Variants in ZC3H12B observed in about 807,000 individuals in gnomAD.
ZC3H12B encodes probable ribonuclease ZC3H12B.
A neutral mutation model predicts 43.9 loss-of-function variants in ZC3H12B; 7 were observed. That is an observed-to-expected ratio of 0.16 (90% CI 0.09 to 0.30). The LOEUF (loss-of-function observed/expected upper bound fraction) is 0.30. Ranked by LOEUF, ZC3H12B falls within the 10% of genes least tolerant of loss-of-function variation. ZC3H12B has a pLI of 1.00. For missense variants in ZC3H12B, 475 were observed against 670.2 expected (o/e 0.71, Z 3.22); for synonymous variants, 222 against 241.7 (o/e 0.92, Z 0.76).
chrX:65,506,275 TGTCA>T (rs776682117), exon 5 of ZC3H12B: 1 of 112,762 alleles, frequency 8.9e-6, no homozygotes, highest in East Asian at 2.8e-4. Context: ...GTGTAAAAAG[TGTCA>T]GTGTTAGTGA....
At chrX:65,480,242 A>T (rs2068046942) in intron 3 of ZC3H12B, among the ~76,000 whole-genome samples, 1 of 112,515 alleles carries the variant, frequency 8.9e-6, no homozygotes, top group Admixed American at 9.4e-5. Flanking sequence ...TAATTACATG[A>T]ACTTTTAAAC....
At chrX:65,222,780 T>A in the ZC3H12B span, among the ~76,000 whole-genome samples, 1 of 110,192 alleles carries the variant, frequency 9.1e-6, no homozygotes, top group South Asian at 3.8e-4. Flanking sequence ...ATGGCTAGAA[T>A]CAATATTGTG....
chrX:65,291,185 C>T, the ZC3H12B span, among the ~76,000 whole-genome samples: 1 of 111,419 alleles, frequency 9.0e-6, no homozygotes, highest in East Asian at 2.8e-4. Context: ...AGTCCCTGTA[C>T]AGTGCTTATT....
chrX:65,430,726 C>T (rs1211010629), intron 3 of ZC3H12B, among the ~76,000 whole-genome samples: 3 of 110,262 alleles, frequency 2.7e-5, no homozygotes, highest in Non-Finnish European at 5.7e-5. Flanking sequence ...GCCACATTTT[C>T]TTAATTCAGT....
chrX:65,423,715 T>C (rs1169636378), intron 3 of ZC3H12B, among the ~76,000 whole-genome samples: 2 of 112,207 alleles, frequency 1.8e-5, no homozygotes, highest in East Asian at 5.6e-4. Flanking sequence ...TTTTTTCTTG[T>C]AAATTTGTTT....
chrX:65,254,040 C>T, the ZC3H12B span, among the ~76,000 whole-genome samples: 1 of 112,037 alleles, frequency 8.9e-6, no homozygotes, highest in African/African-American at 3.2e-5. Context: ...TGGAAATGCT[C>T]ACAAGGAGAC....
At chrX:65,392,039 T>C (rs1371244945) in intron 2 of ZC3H12B, among the ~76,000 whole-genome samples, 2 of 111,732 alleles carry the variant, frequency 1.8e-5, no homozygotes, top group African/African-American at 6.5e-5. Context: ...GGTGCCGGGA[T>C]TGCAGATGGA....
intron 3 of ZC3H12B, among the ~76,000 whole-genome samples, chrX:65,422,925 CTTTTTTT>C (rs34567013): frequency 1.5e-4 from 7 of 46,173 alleles, no homozygotes; most frequent in Non-Finnish European, 2.1e-4. Context: ...TCTTTCTTTG[CTTTTTTT>C]TTTTTTTTTT....
the ZC3H12B span, among the ~76,000 whole-genome samples, chrX:65,168,661 A>G: frequency 9.0e-6 from 1 of 111,226 alleles, no homozygotes; most frequent in East Asian, 2.8e-4. Flanking sequence ...CTGTGAATCC[A>G]TCTGGTCCTG....
At chrX:65,197,408 G>A in the ZC3H12B span, among the ~76,000 whole-genome samples, 3 of 112,210 alleles carry the variant, frequency 2.7e-5, no homozygotes, top group Non-Finnish European at 3.8e-5. Context: ...TAAGTAAAAT[G>A]TAAGAATTTG....
chrX:65,142,080 A>T, the ZC3H12B span, among the ~76,000 whole-genome samples: 2 of 112,022 alleles, frequency 1.8e-5, no homozygotes, highest in East Asian at 5.6e-4. Context: ...TTTTTTAAGG[A>T]ATCTCTACAA....
At chrX:65,065,788 T>C in the ZC3H12B span, among the ~76,000 whole-genome samples, 1 of 110,759 alleles carries the variant, frequency 9.0e-6, no homozygotes, top group Admixed American at 9.6e-5. Flanking sequence ...CAATCAATCA[T>C]AGATTTGGTC....
chrX:65,198,393 G>A, the ZC3H12B span, among the ~76,000 whole-genome samples: 1 of 111,960 alleles, frequency 8.9e-6, no homozygotes, highest in Non-Finnish European at 1.9e-5. Context: ...TCAGATTGAA[G>A]AATTCCCTTT....
At chrX:65,297,566 T>C in the ZC3H12B span, among the ~76,000 whole-genome samples, 1 of 111,303 alleles carries the variant, frequency 9.0e-6, no homozygotes, top group East Asian at 2.8e-4. Flanking sequence ...AAAATGACCA[T>C]ACTGCCAAAA....
the ZC3H12B span, among the ~76,000 whole-genome samples, chrX:65,343,703 C>A: frequency 8.9e-6 from 1 of 111,910 alleles, no homozygotes; most frequent in Non-Finnish European, 1.9e-5. Flanking sequence ...TTATAATAAA[C>A]CTACAGCCAA....
intron 2 of ZC3H12B, among the ~76,000 whole-genome samples, chrX:65,384,186 G>A (rs1009454959): frequency 3.9e-5 from 4 of 102,006 alleles, no homozygotes; most frequent in Non-Finnish European, 8.0e-5. Flanking sequence ...ATACTATGCA[G>A]CCATAAAAAA....
the ZC3H12B span, among the ~76,000 whole-genome samples, chrX:65,147,845 G>T: frequency 1.8e-5 from 2 of 110,456 alleles, no homozygotes; most frequent in African/African-American, 3.3e-5. Context: ...CTTATCTGGA[G>T]CCTGGGTTCA....
In ZC3H12B at chrX:65,435,644, G is replaced by GGATAGATAGAT. The variant is rs1172869483; in HGVS notation, n.407+36941_407+36951dup. 2.0e-3 allele frequency among the ~76,000 whole-genome samples: 189 copies of GGATAGATAGAT among 94,398 alleles called. 1 individual carries two copies. Among genetic ancestry groups the GGATAGATAGAT allele is most frequent in the Admixed American group, 0.019 (161 of 8,320 alleles). The allele number at this position is 94,398 out of a possible 115,157, so 82.0% of individuals were successfully genotyped here. A position where few individuals can be genotyped will look rare whatever the true frequency, so the allele number is the denominator to read the frequency against. ...GTTCTCCAGAGAAACAGAACCAATA[G>GGATAGATAGAT]GATAGATAGATAGATAGATAGATAG... On this transcript the variant is annotated intron_variant and non_coding_transcript_variant, in intron 3 of 5. Transcript: ENST00000617377.
chrX:65,145,772 G>A, the ZC3H12B span, among the ~76,000 whole-genome samples: 1 of 111,438 alleles, frequency 9.0e-6, no homozygotes, highest in Middle Eastern at 4.2e-3. Flanking sequence ...AAAATCCTTG[G>A]CTGATAATTG....
Sources: gnomAD v4.1 joint callset for allele counts (sites outside exome capture counted in the v4.1 genomes callset) on GRCh38, gnomAD v4.1.1 for gene constraint, MANE v1.5 for transcripts, NCBI Gene and HGNC (gene_info 2026-07-23, HGNC 2026-07-21) for gene names.